Variants in DTHD1 observed in about 807,000 individuals in gnomAD.
DTHD1 encodes death domain containing 1.
Under a neutral mutation model 74.8 loss-of-function variants are expected in DTHD1, and 59 were observed. The ratio of observed to expected loss-of-function variants is 0.79; its 90% confidence interval spans 0.64 to 0.98. The LOEUF (loss-of-function observed/expected upper bound fraction) is 0.98. Ranked by LOEUF, DTHD1 falls within the 50% of genes least tolerant of loss-of-function variation. The pLI, the probability that DTHD1 is intolerant of heterozygous loss-of-function variation, is 0.00. For missense variants in DTHD1, 1,051 were observed against 1,065.4 expected (o/e 0.99, Z 0.19); for synonymous variants, 365 against 371.1 (o/e 0.98, Z 0.19).
At chr4:36,319,692 G>A (rs1013480566) in intron 8 of DTHD1, among the ~76,000 whole-genome samples, 1 of 152,220 alleles carries the variant, frequency 6.6e-6, no homozygotes, top group East Asian at 1.9e-4. Context: ...TAGGAATTCA[G>A]CTTTCACTTA....
chr4:36,339,285 C>A, intron 9 of DTHD1, 116 bp downstream of exon 9: 1 of 697,664 alleles, frequency 1.4e-6, no homozygotes, highest in Non-Finnish European at 2.2e-6. Context: ...ATCAAACAAT[C>A]ATTAACTTTA....
rs1755643313 is a variant in DTHD1, at chr4:36,285,428, G to C, written c.887+837G>C. Among the ~76,000 whole-genome samples the C allele has an allele frequency of 2.6e-5, 4 of 152,158 alleles. No individual in the cohort carries two copies. In the South Asian group the frequency reaches 8.3e-4, roughly 32 times the overall value. On this transcript the variant is annotated intron_variant, in intron 2 of 9. Transcript: ENST00000639862. Reference sequence around the variant, plus strand: ...TGAGCTTTGGGAGGTACTTAAAATTGAATGTGTATGTTCAGACCTATTTCA... The same window carrying C: ...TGAGCTTTGGGAGGTACTTAAAATTCAATGTGTATGTTCAGACCTATTTCA...
intron 1 of DTHD1, 131 bp downstream of exon 1, chr4:36,282,160 G>A (rs1755439112): frequency 1.3e-5 from 10 of 741,180 alleles, no homozygotes; most frequent in Non-Finnish European, 1.9e-5. Context: ...CAATTTCAAA[G>A]GGGAAATAAG....
intron 8 of DTHD1, among the ~76,000 whole-genome samples, chr4:36,335,702 A>G (rs908817606): frequency 2.0e-5 from 3 of 152,192 alleles, no homozygotes; most frequent in African/African-American, 7.2e-5. Context: ...AGGGTTAAAA[A>G]CTTTTGGAGG....
intron 8 of DTHD1, among the ~76,000 whole-genome samples, chr4:36,327,369 C>G (rs906521071): frequency 6.6e-6 from 1 of 152,068 alleles, no homozygotes; most frequent in African/African-American, 2.4e-5. Context: ...AGTGACAAAA[C>G]CTGTGGGTAT....
At chr4:36,296,962 A>G (rs1196237941) in intron 5 of DTHD1, among the ~76,000 whole-genome samples, 1 of 152,200 alleles carries the variant, frequency 6.6e-6, no homozygotes, top group African/African-American at 2.4e-5. Flanking sequence ...TAAACAGTCT[A>G]TTAACACATA....
intron 8 of DTHD1, among the ~76,000 whole-genome samples, chr4:36,326,872 T>A (rs981627797): frequency 1.3e-5 from 2 of 152,212 alleles, no homozygotes; most frequent in East Asian, 3.8e-4. Context: ...GTCCAGGCCT[T>A]TCCCAGAAAC....
At chr4:36,329,264 C>T (rs1304229077) in intron 8 of DTHD1, among the ~76,000 whole-genome samples, 2 of 152,202 alleles carry the variant, frequency 1.3e-5, no homozygotes, top group Non-Finnish European at 2.9e-5. Context: ...AATAGAACTT[C>T]TGTAGCCTTG....
At chr4:36,328,944 T>C (rs982938877) in intron 8 of DTHD1, among the ~76,000 whole-genome samples, 2 of 152,244 alleles carry the variant, frequency 1.3e-5, no homozygotes, top group African/African-American at 4.8e-5. Context: ...CTGTCATTTG[T>C]AGACATTATC....
chr4:36,306,040 C>T, intron 5 of DTHD1, 151 bp from the exon 6 acceptor site: 1 of 752,934 alleles, frequency 1.3e-6, no homozygotes. Flanking sequence ...ATAGTTTGAT[C>T]TCTGTGTTCC....
At chr4:36,292,904 C>A (rs1756168030) in intron 3 of DTHD1, among the ~76,000 whole-genome samples, 1 of 152,120 alleles carries the variant, frequency 6.6e-6, no homozygotes, top group Admixed American at 6.5e-5. Flanking sequence ...AATAAAAAAC[C>A]TTGAGTATGT....
intron 8 of DTHD1, among the ~76,000 whole-genome samples, chr4:36,320,508 T>C (rs934398386): frequency 1.3e-5 from 2 of 152,264 alleles, no homozygotes; most frequent in Non-Finnish European, 2.9e-5. Context: ...CTTTCATAGA[T>C]GAATCTACTG....
At chr4:36,298,746 G>T (rs1302391384) in intron 5 of DTHD1, among the ~76,000 whole-genome samples, 1 of 152,162 alleles carries the variant, frequency 6.6e-6, no homozygotes, top group East Asian at 1.9e-4. Flanking sequence ...AGCCAGAAAA[G>T]ATTTCTCATA....
At chr4:36,300,781 G>A (rs1274783764) in intron 5 of DTHD1, among the ~76,000 whole-genome samples, 2 of 152,160 alleles carry the variant, frequency 1.3e-5, no homozygotes, top group African/African-American at 4.8e-5. Flanking sequence ...AATGAGTGCT[G>A]TATTGTCAAC....
intron 8 of DTHD1, among the ~76,000 whole-genome samples, chr4:36,326,975 T>A (rs1420478585): frequency 2.0e-5 from 3 of 151,932 alleles, no homozygotes; most frequent in Admixed American, 1.3e-4. Context: ...TTTTTTTTTT[T>A]TTCTTTCTTC....
Position 36,293,514 on chromosome 4 carries a change from T to C in DTHD1, c.1219-12T>C. On this transcript the variant is annotated splice_polypyrimidine_tract_variant and intron_variant, in intron 3 of 9. Transcript: ENST00000639862. ...TGCTATAGCTTATTTTAATGTTCTT[T>C]ATTCTATACAGGGGACCTGTGCTTC... 4 of 1,497,560 alleles carry C rather than the reference T, an allele frequency of 2.7e-6. No homozygotes were observed. Among genetic ancestry groups the C allele is most frequent in the Non-Finnish European group, 3.6e-6 (4 of 1,116,012 alleles). 92.8% of individuals were successfully genotyped at this position (1,497,560 alleles called of 1,614,324 possible).
chr4:36,281,684 C>T lies in DTHD1; in HGVS notation c.-75C>T, dbSNP rs1755406457. ...ATCTCCTAGAGTTTAGGAGAAATAA[C>T]AATCACAAAGTTTGAATTTGCAAAA... On this transcript the variant is annotated 5_prime_UTR_variant, in exon 1 of 10. Coordinates refer to ENST00000639862, the MANE Select transcript of DTHD1 (RefSeq NM_001170700.3). 2 of 1,234,514 alleles carry T rather than the reference C, an allele frequency of 1.6e-6. No individual in the cohort carries two copies. Among genetic ancestry groups the T allele is most frequent in the South Asian group, 4.2e-5 (1 of 24,012 alleles). The allele number at this position is 1,234,514 out of a possible 1,614,324, so 76.5% of individuals were successfully genotyped here.
rs1451251937 is a variant in DTHD1 at position 36,281,748 on chromosome 4, T to G, written c.-11T>G. ...CTGGCAGGAGAGAAAATACCACTTT[T>G]GGATCATAAAATGGATATGGAATAC... On this transcript the variant is annotated 5_prime_UTR_variant, in exon 1 of 10. Transcript: ENST00000639862. 2.4e-6 allele frequency: 3 copies of G among 1,235,524 alleles called. No individual in the cohort carries two copies. The highest frequency in any genetic ancestry group is 3.0e-6 in the Non-Finnish European group (3 of 988,858). 76.5% of individuals were successfully genotyped at this position (1,235,524 alleles called of 1,614,324 possible).
At chr4:36,328,918 A>C (rs1758509722) in intron 8 of DTHD1, among the ~76,000 whole-genome samples, 1 of 152,216 alleles carries the variant, frequency 6.6e-6, no homozygotes, top group Non-Finnish European at 1.5e-5. Flanking sequence ...CATTTGATGA[A>C]TTACTGATGT....
Sources: allele counts gnomAD v4.1 joint callset (sites outside exome capture counted in the v4.1 genomes callset), GRCh38; gene constraint gnomAD v4.1.1; transcripts MANE v1.5; gene names NCBI Gene and HGNC (gene_info 2026-07-23, HGNC 2026-07-21).